SYT14: variants seen among roughly 807,000 people sequenced by gnomAD.
The protein encoded by SYT14 is synaptotagmin 14, also known as synaptotagmin-14.
SYT14 carries 32 observed loss-of-function variants against 74.2 expected under a neutral mutation model. The observed-to-expected ratio is 0.43, with a 90% CI of 0.33 to 0.58. The LOEUF is 0.58. Ranked by LOEUF, SYT14 falls within the 20% of genes least tolerant of loss-of-function variation. The pLI, the probability that SYT14 is intolerant of heterozygous loss-of-function variation, is 0.05. For missense variants in SYT14, 791 were observed against 981.8 expected (o/e 0.81, Z 2.60); for synonymous variants, 298 against 337.7 (o/e 0.88, Z 1.29).
intron 2 of SYT14, among the ~76,000 whole-genome samples, chr1:210,005,321 T>C (rs1558123719): frequency 6.6e-6 from 1 of 151,956 alleles, no homozygotes; most frequent in East Asian, 1.9e-4. Context: ...TTGGTATTTA[T>C]CAGAATTTTG....
chr1:209,952,643 T>C (rs2078930545), intron 1 of SYT14, 66 bp from the exon 2 acceptor site: 3 of 1,391,826 alleles, frequency 2.2e-6, no homozygotes, highest in Non-Finnish European at 3.0e-6. Flanking sequence ...TTAAAATGAT[T>C]CTTTGTAACA....
intron 5 of SYT14, among the ~76,000 whole-genome samples, chr1:210,075,042 G>T (rs2081465950): frequency 6.6e-6 from 1 of 152,190 alleles, no homozygotes; most frequent in Admixed American, 6.5e-5. Context: ...AGCGCAAGTA[G>T]CTCTCAGCAG....
At chr1:210,073,490 A>G (rs2081432597) in intron 5 of SYT14, among the ~76,000 whole-genome samples, 2 of 152,102 alleles carry the variant, frequency 1.3e-5, no homozygotes, top group Non-Finnish European at 2.9e-5. Flanking sequence ...GTCTTTTAAC[A>G]CAAAATGGGA....
chr1:209,955,852 A>G (rs747059231), intron 2 of SYT14, among the ~76,000 whole-genome samples: 1 of 152,142 alleles, frequency 6.6e-6, no homozygotes, highest in Non-Finnish European at 1.5e-5. Flanking sequence ...ATTCCTTTCT[A>G]TCTGTGGACC....
intron 7 of SYT14, among the ~76,000 whole-genome samples, chr1:210,142,503 C>A (rs2082937177): frequency 1.3e-5 from 2 of 152,028 alleles, no homozygotes; most frequent in Non-Finnish European, 2.9e-5. Flanking sequence ...AGGTGTGTCC[C>A]CACCAAAGCC....
At chr1:210,016,380 A>C in exon 4 of SYT14, 6 of 1,232,092 alleles carry the variant, frequency 4.9e-6, no homozygotes, top group Non-Finnish European at 6.1e-6. Flanking sequence ...AATGATAGGC[A>C]ACAAACTCTA....
chr1:209,969,575 C>T (rs1464103215), intron 2 of SYT14, among the ~76,000 whole-genome samples: 1 of 149,128 alleles, frequency 6.7e-6, no homozygotes, highest in East Asian at 2.0e-4. Flanking sequence ...GCAACCTCTG[C>T]CTCCTGGGTT....
exon 4 of SYT14, chr1:210,016,268 A>G: frequency 8.1e-7 from 1 of 1,232,174 alleles, no homozygotes; most frequent in Non-Finnish European, 1.0e-6. Flanking sequence ...TTGTCAGAAA[A>G]CACAAGCCAA....
chr1:209,938,427 G>T, intron 1 of SYT14, 150 bp downstream of exon 1: 1 of 672,374 alleles, frequency 1.5e-6, no homozygotes, highest in Non-Finnish European at 2.2e-6. Context: ...GCCGCGTCTC[G>T]GGAGGCGGGT....
chr1:210,050,066 T>C (rs989954284), intron 5 of SYT14, among the ~76,000 whole-genome samples: 10 of 152,134 alleles, frequency 6.6e-5, no homozygotes, highest in Admixed American at 6.6e-4. Flanking sequence ...CCTCAGAAAA[T>C]GGGATTTTCT....
intron 2 of SYT14, among the ~76,000 whole-genome samples, chr1:209,990,941 A>G (rs1385800502): frequency 1.3e-5 from 2 of 152,128 alleles, no homozygotes; most frequent in Admixed American, 1.3e-4. Context: ...ATAGTCGCAG[A>G]TTAGTAGAAT....
exon 10 of SYT14, chr1:210,162,801 C>T: frequency 2.2e-6 from 1 of 450,988 alleles, no homozygotes. Context: ...TCTATGCATT[C>T]ATACACATGA....
chr1:209,970,568 A>AT (rs1026429388), intron 2 of SYT14, among the ~76,000 whole-genome samples: 2 of 148,816 alleles, frequency 1.3e-5, no homozygotes, highest in Non-Finnish European at 3.0e-5. Context: ...TTCCATATGA[A>AT]TTTTAGAATA....
chr1:210,100,020 A>T, exon 7 of SYT14: 1 of 1,613,944 alleles, frequency 6.2e-7, no homozygotes. Context: ...AGGATATGTC[A>T]GCTCAAGGAT....
At chr1:210,141,837 A>G (rs1047499577) in intron 7 of SYT14, among the ~76,000 whole-genome samples, 1 of 152,200 alleles carries the variant, frequency 6.6e-6, no homozygotes, top group Non-Finnish European at 1.5e-5. Flanking sequence ...GACCTTCTCA[A>G]GTTTTTTCTG....
chr1:210,094,848 A>G (rs1015235110), intron 6 of SYT14, among the ~76,000 whole-genome samples: 2 of 152,104 alleles, frequency 1.3e-5, no homozygotes, highest in African/African-American at 2.4e-5. Context: ...TTTTTTTTAA[A>G]TACTTTGTAT....
intron 5 of SYT14, among the ~76,000 whole-genome samples, chr1:210,033,628 ATG>A (rs1343784121): frequency 6.6e-6 from 1 of 151,812 alleles, no homozygotes; most frequent in Non-Finnish European, 1.5e-5. Context: ...AGTTGTTGAA[ATG>A]CCATCCACCA....
intron 5 of SYT14, among the ~76,000 whole-genome samples, chr1:210,088,403 T>C (rs1400940007): frequency 6.6e-6 from 1 of 152,040 alleles, no homozygotes; most frequent in Non-Finnish European, 1.5e-5. Context: ...CCTGTGCCCA[T>C]ATGTTCTCAT....
chr1:209,949,144 C>A (rs2078869502), intron 1 of SYT14, among the ~76,000 whole-genome samples: 1 of 152,144 alleles, frequency 6.6e-6, no homozygotes, highest in Non-Finnish European at 1.5e-5. Context: ...GTACAAAGTT[C>A]AACATATCTC....
Sources: allele counts gnomAD v4.1 joint callset (sites outside exome capture counted in the v4.1 genomes callset), GRCh38; gene constraint gnomAD v4.1.1; transcripts MANE v1.5; gene names NCBI Gene and HGNC (gene_info 2026-07-23, HGNC 2026-07-21).